The following CTNNA2 variants were observed in gnomAD, a reference collection of about 807,000 sequenced individuals.
The protein encoded by CTNNA2 is catenin alpha-2.
In CTNNA2, 42 loss-of-function variants were observed where a neutral mutation model predicts 101.0. That is an observed-to-expected ratio of 0.42 (90% CI 0.32 to 0.54). The LOEUF (loss-of-function observed/expected upper bound fraction) is 0.54. CTNNA2 is among the 20% of genes least tolerant of loss of function. The pLI, the probability that CTNNA2 is intolerant of heterozygous loss-of-function variation, is 0.14. For missense variants in CTNNA2, 871 were observed against 1,223.1 expected (o/e 0.71, Z 4.29); for synonymous variants, 450 against 456.4 (o/e 0.99, Z 0.18).
At chr2:79,429,664 T>C (rs1452103668) in intron 4 of CTNNA2, among the ~76,000 whole-genome samples, 1 of 152,070 alleles carries the variant, frequency 6.6e-6, no homozygotes, top group Admixed American at 6.6e-5. Context: ...TAGGAAACCA[T>C]GAAAGTGGAT....
At chr2:80,110,667 T>A (rs941300867) in intron 7 of CTNNA2, among the ~76,000 whole-genome samples, 1 of 152,194 alleles carries the variant, frequency 6.6e-6, no homozygotes, top group Admixed American at 6.5e-5. Context: ...CATAGCTACT[T>A]GGAGCCTCAG....
At chr2:79,520,726 A>C (rs1027043934) in intron 1 of CTNNA2, among the ~76,000 whole-genome samples, 4 of 152,196 alleles carry the variant, frequency 2.6e-5, no homozygotes, top group African/African-American at 9.6e-5. Flanking sequence ...TAATGAGCAC[A>C]TGATAACTCT....
intron 7 of CTNNA2, among the ~76,000 whole-genome samples, chr2:80,121,378 T>G (rs1573142844): frequency 6.6e-6 from 1 of 152,166 alleles, no homozygotes; most frequent in African/African-American, 2.4e-5. Flanking sequence ...CTCCAGCTGG[T>G]TTTTGAAGAG....
chr2:79,342,014 G>T (rs868056519), intron 3 of CTNNA2, among the ~76,000 whole-genome samples: 1 of 152,104 alleles, frequency 6.6e-6, no homozygotes, highest in Non-Finnish European at 1.5e-5. Context: ...CAGGAAATTT[G>T]GGGCAAATTA....
intron 1 of CTNNA2, among the ~76,000 whole-genome samples, chr2:79,524,957 A>G (rs555969686): frequency 2.3e-4 from 35 of 150,596 alleles, no homozygotes; most frequent in African/African-American, 8.5e-4. Context: ...TGTCTTTTCT[A>G]TATCTTGGAT....
chr2:79,931,519 A>G (rs1010799737), intron 7 of CTNNA2, among the ~76,000 whole-genome samples: 2 of 152,202 alleles, frequency 1.3e-5, no homozygotes, highest in Non-Finnish European at 2.9e-5. Flanking sequence ...TGTGAGGACT[A>G]GCACTAGTCT....
chr2:79,987,069 G>A (rs1489753209), intron 7 of CTNNA2, among the ~76,000 whole-genome samples: 1 of 152,098 alleles, frequency 6.6e-6, no homozygotes, highest in Admixed American at 6.5e-5. Flanking sequence ...GTGGTGTTTG[G>A]TGTCTTGTGG....
At chr2:79,604,062 C>G (rs1019055707) in intron 1 of CTNNA2, among the ~76,000 whole-genome samples, 4 of 152,142 alleles carry the variant, frequency 2.6e-5, no homozygotes, top group Non-Finnish European at 4.4e-5. Flanking sequence ...TAGTCAAACA[C>G]ACTAGGGGCA....
At chr2:79,730,533 G>C (rs1687132467) in intron 2 of CTNNA2, among the ~76,000 whole-genome samples, 1 of 151,842 alleles carries the variant, frequency 6.6e-6, no homozygotes, top group Non-Finnish European at 1.5e-5. Context: ...CTTCATAGGA[G>C]ACTAGTATTG....
intron 9 of CTNNA2, among the ~76,000 whole-genome samples, chr2:80,450,654 T>G (rs1424636271): frequency 2.0e-5 from 3 of 152,190 alleles, no homozygotes; most frequent in Admixed American, 2.0e-4. Context: ...ACCTCCTTTT[T>G]TACAAAACCA....
At chr2:79,952,329 G>C (rs1274831674) in intron 7 of CTNNA2, among the ~76,000 whole-genome samples, 1 of 152,044 alleles carries the variant, frequency 6.6e-6, no homozygotes, top group Non-Finnish European at 1.5e-5. Context: ...GCAAAGCAAA[G>C]CAACAACAAC....
At chr2:79,834,636 CT>C (rs1679176580) in intron 3 of CTNNA2, among the ~76,000 whole-genome samples, 1 of 26,694 alleles carries the variant, frequency 3.7e-5, no homozygotes. Context: ...ATTTTATGTA[CT>C]ATTTTTTGCA....
chr2:79,384,901 G>T (rs1053921320), intron 4 of CTNNA2, among the ~76,000 whole-genome samples: 2 of 152,108 alleles, frequency 1.3e-5, no homozygotes, highest in Non-Finnish European at 2.9e-5. Flanking sequence ...CACATTAAAA[G>T]GCATTTGTTG....
intron 15 of CTNNA2, among the ~76,000 whole-genome samples, chr2:80,596,413 C>G (rs576381188): frequency 6.9e-6 from 1 of 145,566 alleles, no homozygotes; most frequent in African/African-American, 2.5e-5. Context: ...GGGTTCATGC[C>G]ATTCTCCTGC....
intron 4 of CTNNA2, among the ~76,000 whole-genome samples, chr2:79,391,270 CCCT>C (rs1185460017): frequency 6.6e-6 from 1 of 152,130 alleles, no homozygotes; most frequent in Non-Finnish European, 1.5e-5. Context: ...CAAGACCAAG[CCCT>C]CCTCCTTCTC....
At chr2:79,880,962 A>G (rs1683385239) in intron 6 of CTNNA2, among the ~76,000 whole-genome samples, 1 of 152,182 alleles carries the variant, frequency 6.6e-6, no homozygotes, top group African/African-American at 2.4e-5. Context: ...ATTTAGTGCT[A>G]TAAATTTCCT....
At chr2:79,754,932 T>G (rs1672295144) in intron 3 of CTNNA2, among the ~76,000 whole-genome samples, 1 of 152,066 alleles carries the variant, frequency 6.6e-6, no homozygotes, top group African/African-American at 2.4e-5. Flanking sequence ...AGGCAAATCC[T>G]AGGTAAGAGA....
intron 7 of CTNNA2, among the ~76,000 whole-genome samples, chr2:80,199,713 G>A (rs984267940): frequency 2.6e-5 from 4 of 152,198 alleles, no homozygotes; most frequent in Admixed American, 2.0e-4. Context: ...CACAAGGTGG[G>A]TATTTGTTTA....
Position 80,170,650 on chromosome 2 carries a change from C to T in CTNNA2, c.1057-222561C>T, listed in dbSNP as rs112236699. Among the ~76,000 whole-genome samples, 112 of 152,250 alleles carry T rather than the reference C, an allele frequency of 7.4e-4. 1 individual carries two copies. Among genetic ancestry groups the T allele is most frequent in the African/African-American group, 2.6e-3 (106 of 41,554 alleles). ...ACACATAGTAAGTGCTAAGTTAATGCTTATCCGATGAAATAATATGCAAAT... is the reference window on the plus strand; with the variant it reads ...ACACATAGTAAGTGCTAAGTTAATGTTTATCCGATGAAATAATATGCAAAT... On this transcript the variant is annotated intron_variant, in intron 7 of 18. Transcript: ENST00000402739.
Sources: gnomAD v4.1 joint callset for allele counts (sites outside exome capture counted in the v4.1 genomes callset) on GRCh38, gnomAD v4.1.1 for gene constraint, MANE v1.5 for transcripts, NCBI Gene and HGNC (gene_info 2026-07-23, HGNC 2026-07-21) for gene names.